Variants in RALYL observed in about 807,000 individuals in gnomAD.
RALYL encodes the protein RNA-binding Raly-like protein.
RALYL carries 29 observed loss-of-function variants against 35.1 expected under a neutral mutation model. That is an observed-to-expected ratio of 0.83 (90% CI 0.61 to 1.13). The LOEUF is 1.13. Ranked by LOEUF, RALYL falls within the 50% of genes most tolerant of loss-of-function variation. The pLI is 0.00. For missense variants in RALYL, 359 were observed against 360.4 expected (o/e 1.00, Z 0.03); for synonymous variants, 120 against 127.6 (o/e 0.94, Z 0.40).
At chr8:84,462,259 C>A (rs921370152) in intron 1 of RALYL, among the ~76,000 whole-genome samples, 3 of 151,160 alleles carry the variant, frequency 2.0e-5, no homozygotes, top group Non-Finnish European at 3.0e-5. Context: ...AGATGTTCTT[C>A]AGATATTTTG....
intron 8 of RALYL, among the ~76,000 whole-genome samples, chr8:84,919,052 CT>C (rs1323605394): frequency 2.0e-5 from 3 of 151,852 alleles, no homozygotes; most frequent in Non-Finnish European, 4.4e-5. Flanking sequence ...GTCATTACCT[CT>C]TTTGACACAT....
chr8:84,761,553 T>C (rs964846350), intron 2 of RALYL, among the ~76,000 whole-genome samples: 3 of 152,126 alleles, frequency 2.0e-5, no homozygotes, highest in African/African-American at 7.2e-5. Flanking sequence ...CCCCTTTAAC[T>C]GTAAAGTGAC....
chr8:84,649,572 TC>T (rs1253833118), intron 2 of RALYL, among the ~76,000 whole-genome samples: 1 of 152,188 alleles, frequency 6.6e-6, no homozygotes, highest in Admixed American at 6.6e-5. Flanking sequence ...CTCGGGTTTG[TC>T]AAGGATCAGA....
rs147345564 is a variant in RALYL, at chr8:84,862,382, G to C, written c.500G>C (p.Arg167Pro). The C allele has an allele frequency of 6.2e-7, 1 of 1,607,082 alleles. No homozygotes were observed. The highest frequency in any genetic ancestry group is 8.5e-7 in the Non-Finnish European group (1 of 1,177,214). ...KRPRVAVTTT[R>P]RGKGVFSMKG... ...CCCAGAGTGGCAGTCACAACGACTC[G>C]CAGGGGGAAAGGAGTCTTTTCCATG... Residue 167 changes from arginine (R) to proline (P), a missense_variant, in exon 6 of 9, where the codon CGC (arginine) becomes CCC (proline). Coordinates refer to ENST00000521268, the MANE Select transcript of RALYL (RefSeq NM_173848.7).
intron 1 of RALYL, among the ~76,000 whole-genome samples, chr8:84,465,280 A>C (rs1319811663): frequency 8.4e-6 from 1 of 118,684 alleles, no homozygotes; most frequent in African/African-American, 3.2e-5. Flanking sequence ...TTTAGGTCTA[A>C]CGTTTAAGTC....
intron 1 of RALYL, among the ~76,000 whole-genome samples, chr8:84,310,246 G>A (rs911539493): frequency 2.0e-5 from 3 of 151,526 alleles, no homozygotes; most frequent in Non-Finnish European, 4.4e-5. Context: ...TCACCATGTT[G>A]TCCTGGCTGG....
At chr8:84,799,090 C>A (rs191230501) in intron 3 of RALYL, among the ~76,000 whole-genome samples, 29 of 152,220 alleles carry the variant, frequency 1.9e-4, no homozygotes, top group African/African-American at 6.0e-4. Flanking sequence ...GGGAGCAAGG[C>A]AGGGAAGGTT....
intron 1 of RALYL, among the ~76,000 whole-genome samples, chr8:84,469,985 G>A (rs541239826): frequency 3.8e-4 from 58 of 152,250 alleles, no homozygotes; most frequent in African/African-American, 5.8e-4. Flanking sequence ...GCAATGCCTC[G>A]CCCTGCTTCG....
At chr8:84,423,888 T>C (rs1272841993) in intron 1 of RALYL, among the ~76,000 whole-genome samples, 2 of 151,786 alleles carry the variant, frequency 1.3e-5, no homozygotes, top group Non-Finnish European at 2.9e-5. Context: ...CCCACTCTCT[T>C]CTGGCTTGTA....
intron 1 of RALYL, among the ~76,000 whole-genome samples, chr8:84,403,553 TTA>T (rs1172785628): frequency 1.2e-4 from 17 of 143,380 alleles, no homozygotes; most frequent in African/African-American, 4.3e-4. Flanking sequence ...TTTTTTTTTT[TTA>T]ACCAGTACCA....
At chr8:84,739,516 A>G (rs1179117080) in intron 2 of RALYL, among the ~76,000 whole-genome samples, 1 of 151,860 alleles carries the variant, frequency 6.6e-6, no homozygotes, top group Non-Finnish European at 1.5e-5. Context: ...AATAGTACCA[A>G]TTGTTGAGCA....
At chr8:84,432,834 G>A (rs566111742) in intron 1 of RALYL, among the ~76,000 whole-genome samples, 1 of 152,088 alleles carries the variant, frequency 6.6e-6, no homozygotes, top group South Asian at 2.1e-4. Flanking sequence ...AGGCAAGAAA[G>A]GTTCCTACCC....
chr8:84,608,750 C>G (rs1323082753), intron 2 of RALYL, among the ~76,000 whole-genome samples: 2 of 152,128 alleles, frequency 1.3e-5, no homozygotes, highest in African/African-American at 4.8e-5. Context: ...CATGCCACCT[C>G]TGAAATGTCT....
intron 2 of RALYL, among the ~76,000 whole-genome samples, chr8:84,730,337 C>T (rs890161114): frequency 3.3e-5 from 5 of 152,130 alleles, no homozygotes; most frequent in Non-Finnish European, 5.9e-5. Flanking sequence ...TTCAACAACA[C>T]TTCATGCTAA....
chr8:84,723,510 A>G (rs1232569172), intron 2 of RALYL, among the ~76,000 whole-genome samples: 1 of 151,980 alleles, frequency 6.6e-6, no homozygotes, highest in East Asian at 1.9e-4. Context: ...ATGACATGGA[A>G]TAAAGCAAAA....
intron 2 of RALYL, among the ~76,000 whole-genome samples, chr8:84,741,947 T>TA (rs1200209734): frequency 6.6e-6 from 1 of 151,980 alleles, no homozygotes; most frequent in African/African-American, 2.4e-5. Flanking sequence ...GCCATTTTTT[T>TA]TTTTATTTTG....
At chr8:84,615,398 A>G (rs1819268367) in intron 2 of RALYL, among the ~76,000 whole-genome samples, 1 of 151,326 alleles carries the variant, frequency 6.6e-6, no homozygotes, top group Admixed American at 6.6e-5. Flanking sequence ...ACAATAGACT[A>G]TCAATGTCAG....
At chr8:84,265,416 A>G (rs1461636525) in intron 1 of RALYL, among the ~76,000 whole-genome samples, 1 of 152,166 alleles carries the variant, frequency 6.6e-6, no homozygotes, top group African/African-American at 2.4e-5. Flanking sequence ...GGCTTTCTAG[A>G]TGCAGGAAAG....
chr8:84,697,792 A>G lies in RALYL; in HGVS notation c.257-76787A>G, dbSNP rs188230369. On this transcript the variant is annotated intron_variant, in intron 2 of 8. Coordinates refer to ENST00000521268, the MANE Select transcript of RALYL (RefSeq NM_173848.7). ...GTCTGTTTTTCCCCGCTATGTGTCCATATGTTCTCATCATTTAGCTCCCAC... is the reference window on the plus strand; with the variant it reads ...GTCTGTTTTTCCCCGCTATGTGTCCGTATGTTCTCATCATTTAGCTCCCAC... Among the ~76,000 whole-genome samples, 253 of 152,062 alleles carry G rather than the reference A, an allele frequency of 1.7e-3. 1 individual carries two copies. Among genetic ancestry groups the G allele is most frequent in the African/African-American group, 5.7e-3 (238 of 41,512 alleles).
Sources: allele counts gnomAD v4.1 joint callset (sites outside exome capture counted in the v4.1 genomes callset), GRCh38; gene constraint gnomAD v4.1.1; transcripts MANE v1.5; gene names NCBI Gene and HGNC (gene_info 2026-07-23, HGNC 2026-07-21).